Variants in PKN2 observed in about 807,000 individuals in gnomAD.
PKN2 encodes the protein protein kinase N2, also known as serine/threonine-protein kinase N2.
PKN2 carries 38 observed loss-of-function variants against 119.1 expected under a neutral mutation model. The ratio of observed to expected loss-of-function variants is 0.32; its 90% CI spans 0.25 to 0.42. The LOEUF (loss-of-function observed/expected upper bound fraction) is 0.42, where lower values mean the gene tolerates loss of function less well. PKN2 is among the 10% of genes least tolerant of loss of function. The probability of loss-of-function intolerance (pLI) is 1.00; values close to 1 mark genes in which losing one functional copy is unlikely to be tolerated. For missense variants in PKN2, 850 were observed against 1,165.1 expected, an observed-to-expected ratio of 0.73 and a Z score of 3.94; for synonymous variants, 390 against 384.9, an observed-to-expected ratio of 1.01 and a Z score of -0.15.
intron 2 of PKN2, among the ~76,000 whole-genome samples, chr1:88,759,908 C>T (rs1039851481): frequency 6.6e-6 from 1 of 152,092 alleles, no homozygotes; most frequent in Non-Finnish European, 1.5e-5. Flanking sequence ...GGGTTCATAG[C>T]CAAATTCTAC....
chr1:88,756,017 A>G (rs563216056), intron 2 of PKN2, among the ~76,000 whole-genome samples: 60 of 151,816 alleles, frequency 4.0e-4, no homozygotes, highest in Middle Eastern at 3.4e-3. Context: ...GGTTCAAGCA[A>G]TTCTCCTGCT....
intron 1 of PKN2, among the ~76,000 whole-genome samples, chr1:88,706,909 T>G (rs776942281): frequency 2.0e-5 from 3 of 152,052 alleles, no homozygotes; most frequent in Non-Finnish European, 4.4e-5. Flanking sequence ...TCATTCCATT[T>G]TGGTCAAAGA....
At chr1:88,711,232 T>A (rs1222620335) in intron 1 of PKN2, among the ~76,000 whole-genome samples, 1 of 151,910 alleles carries the variant, frequency 6.6e-6, no homozygotes, top group Non-Finnish European at 1.5e-5. Context: ...ATCTGTACAA[T>A]AAACCGCCAT....
chr1:88,708,476 C>T (rs570330438), intron 1 of PKN2, among the ~76,000 whole-genome samples: 1 of 152,234 alleles, frequency 6.6e-6, no homozygotes, highest in South Asian at 2.1e-4. Flanking sequence ...TACAATAAGT[C>T]ATACTTCAAC....
At chr1:88,788,779 C>T (rs552894439) in intron 8 of PKN2, among the ~76,000 whole-genome samples, 4 of 152,206 alleles carry the variant, frequency 2.6e-5, no homozygotes, top group African/African-American at 9.6e-5. Context: ...TACTTACTAC[C>T]AGCTCTGTGT....
intron 1 of PKN2, among the ~76,000 whole-genome samples, chr1:88,698,762 G>C (rs1332050041): frequency 6.6e-6 from 1 of 152,116 alleles, no homozygotes; most frequent in Non-Finnish European, 1.5e-5. Flanking sequence ...TTAAATTTTT[G>C]ATTTATCAAC....
chr1:88,713,470 T>A (rs1007034847), intron 1 of PKN2, among the ~76,000 whole-genome samples: 56 of 152,220 alleles, frequency 3.7e-4, no homozygotes, highest in African/African-American at 1.2e-3. Context: ...ATCACCAGTC[T>A]AACTGGTGTG....
chr1:88,743,047 C>T (rs531146040), intron 2 of PKN2, among the ~76,000 whole-genome samples: 12 of 152,070 alleles, frequency 7.9e-5, no homozygotes, highest in East Asian at 7.7e-4. Context: ...GAAAATTAGT[C>T]GACGTGGTGG....
intron 1 of PKN2, among the ~76,000 whole-genome samples, chr1:88,732,315 CTT>C (rs1242898866): frequency 6.6e-6 from 1 of 152,108 alleles, no homozygotes; most frequent in East Asian, 1.9e-4. Flanking sequence ...ACATGGAAAA[CTT>C]TGAAAAATAA....
chr1:88,771,892 T>C lies in PKN2; in HGVS notation c.985+13T>C. 2 of 1,551,274 alleles carry C rather than the reference T, an allele frequency of 1.3e-6. No homozygotes were observed. Among genetic ancestry groups the C allele is most frequent in the Non-Finnish European group, 1.8e-6 (2 of 1,126,056 alleles). The stretch of plus-strand genomic sequence containing the variant: ...GCAGCACTAACAGGTATGTAGTGTA[T>C]AGCCATTGTTTTTTGTGTGTATTTT... On this transcript the variant is annotated intron_variant, in intron 6 of 21. Transcript: ENST00000370521.
chr1:88,821,702 C>T (rs1672298826), intron 16 of PKN2, among the ~76,000 whole-genome samples: 2 of 152,180 alleles, frequency 1.3e-5, no homozygotes, highest in African/African-American at 4.8e-5. Context: ...TCAAATGTCC[C>T]CTCTGAGGTT....
In PKN2 at chr1:88,760,373, A is replaced by G. The variant is rs1400110308; in HGVS notation, c.501A>G (p.Ser167=). The G allele has an allele frequency of 6.6e-7, 1 of 1,508,316 alleles. No individual in the cohort carries two copies. 93.4% of individuals were successfully genotyped at this position (1,508,316 alleles called of 1,614,324 possible). ...NMIQMYSNGS[S]KDRKLHGTAQ... ...TACAGATGTATTCAAATGGATCTTC[A>G]AAGGTAAGTGTAGTTAATAAATGTA... is the stretch of plus-strand genomic sequence containing the variant. The change falls in exon 3 of 22, where the codon TCA becomes TCG. Residue 167 remains serine (S), a synonymous_variant. Coordinates refer to ENST00000370521, the MANE Select transcript of PKN2 (RefSeq NM_006256.4).
At chr1:88,812,127 C>T (rs58601033) in intron 15 of PKN2, among the ~76,000 whole-genome samples, 10,177 of 152,138 alleles carry the variant, frequency 0.067, 701 homozygotes, top group African/African-American at 0.18. Flanking sequence ...GTTGAAGATT[C>T]GTATGTAATA....
chr1:88,793,196 G>T (rs1028079815), intron 8 of PKN2, among the ~76,000 whole-genome samples: 4 of 152,108 alleles, frequency 2.6e-5, no homozygotes, highest in Non-Finnish European at 4.4e-5. Context: ...GCCATGTATG[G>T]TCTGTAAGTG....
intron 1 of PKN2, among the ~76,000 whole-genome samples, chr1:88,736,378 G>A (rs1264446144): frequency 6.8e-6 from 1 of 146,206 alleles, no homozygotes; most frequent in African/African-American, 2.5e-5. Flanking sequence ...TTTTTTTTTT[G>A]AGACAGAGTC....
intron 3 of PKN2, among the ~76,000 whole-genome samples, chr1:88,765,105 T>A (rs1034732049): frequency 3.3e-5 from 5 of 152,044 alleles, no homozygotes; most frequent in Admixed American, 1.3e-4. Flanking sequence ...TTTTTTGTAT[T>A]GCTAGTAGAG....
chr1:88,785,654 A>G (rs549804276), intron 7 of PKN2, among the ~76,000 whole-genome samples: 1 of 152,320 alleles, frequency 6.6e-6, no homozygotes, highest in African/African-American at 2.4e-5. Flanking sequence ...GGGGAAAAGC[A>G]TGTGACAGTT....
intron 8 of PKN2, among the ~76,000 whole-genome samples, chr1:88,791,738 C>T (rs1446190792): frequency 4.6e-5 from 7 of 152,080 alleles, no homozygotes; most frequent in Non-Finnish European, 1.0e-4. Flanking sequence ...TCCAGAGTCT[C>T]CTATCAGATA....
intron 1 of PKN2, among the ~76,000 whole-genome samples, chr1:88,708,772 T>C (rs540240673): frequency 6.6e-6 from 1 of 152,098 alleles, no homozygotes; most frequent in East Asian, 1.9e-4. Context: ...CCTAAAACAC[T>C]GATTTTTAAC....
Sources: gnomAD v4.1 joint callset for allele counts (sites outside exome capture counted in the v4.1 genomes callset) on GRCh38, gnomAD v4.1.1 for gene constraint, MANE v1.5 for transcripts, NCBI Gene and HGNC (gene_info 2026-07-23, HGNC 2026-07-21) for gene names.